Variants in DDX31 observed in about 807,000 individuals in gnomAD.
DDX31 encodes ATP-dependent DNA helicase DDX31.
A neutral mutation model predicts 91.3 loss-of-function variants in DDX31; 70 were observed. That is an observed-to-expected ratio of 0.77 (90% CI 0.63 to 0.94). The LOEUF (loss-of-function observed/expected upper bound fraction) is 0.94. Ranked by LOEUF, DDX31 falls within the 40% of genes least tolerant of loss-of-function variation. The pLI, the probability that DDX31 is intolerant of heterozygous loss-of-function variation, is 0.00. For synonymous variants in DDX31, 362 were observed against 350.6 expected, an observed-to-expected ratio of 1.03 and a Z score of -0.36; for missense variants, 902 against 925.0, an observed-to-expected ratio of 0.98 and a Z score of 0.32.
Position 132,612,196 on chromosome 9 carries a change from G to C in DDX31, c.1885C>G (p.His629Asp), listed in dbSNP as rs1390582852. 6.2e-7 allele frequency: 1 copy of C among 1,614,212 alleles called. No homozygotes were observed. The highest frequency in any genetic ancestry group is 8.5e-7 in the Non-Finnish European group (1 of 1,180,040). The stretch of plus-strand genomic sequence containing the variant: ...TGCCCAAGGTGGAGGGATCGGACGT[G>C]GAAGATGTGCTTCAGCTCCCTGGGG... Reference protein sequence around the residue: ...TYPRELKHIFHVRSLHLGHVA... With the variant: ...TYPRELKHIFDVRSLHLGHVA... Residue 629 changes from histidine (H) to aspartate (D), a missense_variant, in exon 19 of 20, where the codon CAC becomes GAC. Physicochemically the swap from His to Asp is moderately conservative, Grantham distance 81. Transcript: ENST00000372159.
At chr9:132,605,268 G>A (rs987734835) in intron 19 of DDX31, among the ~76,000 whole-genome samples, 6 of 152,284 alleles carry the variant, frequency 3.9e-5, no homozygotes, top group Non-Finnish European at 7.3e-5. Flanking sequence ...TGCGTGCCAG[G>A]TTCTGTGACA....
intron 19 of DDX31, among the ~76,000 whole-genome samples, chr9:132,601,745 C>T (rs897549465): frequency 2.0e-5 from 3 of 152,220 alleles, no homozygotes; most frequent in Non-Finnish European, 4.4e-5. Flanking sequence ...GCTGGGCCTT[C>T]GTACAGCCTG....
chr9:132,664,860 C>T (rs1012449999), intron 1 of DDX31, among the ~76,000 whole-genome samples: 3 of 151,978 alleles, frequency 2.0e-5, no homozygotes, highest in Non-Finnish European at 4.4e-5. Flanking sequence ...CCTTCCTCCT[C>T]CTTTGCACAT....
intron 14 of DDX31, 148 bp from the exon 15 acceptor site, chr9:132,632,239 T>TACACACACAC (rs1491406800): frequency 5.6e-5 from 3 of 53,406 alleles, no homozygotes; most frequent in Non-Finnish European, 6.3e-5. Flanking sequence ...GCCCAGTACG[T>TACACACACAC]GTACACACAC....
intron 17 of DDX31, among the ~76,000 whole-genome samples, chr9:132,624,085 C>A (rs1372274365): frequency 1.4e-5 from 2 of 144,418 alleles, no homozygotes; most frequent in Admixed American, 1.5e-4. Context: ...AAGAATCACT[C>A]GAACCTGGGA....
chr9:132,617,742 C>G (rs1332454185), intron 18 of DDX31, among the ~76,000 whole-genome samples: 1 of 152,150 alleles, frequency 6.6e-6, no homozygotes, highest in Non-Finnish European at 1.5e-5. Flanking sequence ...GCTTATTACT[C>G]AACGTGAACT....
intron 1 of DDX31, chr9:132,663,255 T>C: frequency 7.8e-7 from 1 of 1,289,114 alleles, no homozygotes; most frequent in Non-Finnish European, 1.0e-6. Context: ...TCTCTCATTC[T>C]CTCCTCTCAA....
chr9:132,668,151 T>C (rs1318260010), intron 1 of DDX31, among the ~76,000 whole-genome samples: 1 of 152,174 alleles, frequency 6.6e-6, no homozygotes, highest in Non-Finnish European at 1.5e-5. Flanking sequence ...CTGCCAAACA[T>C]CTAAATCCTA....
chr9:132,620,700 A>G (rs1470265972), intron 17 of DDX31, among the ~76,000 whole-genome samples: 1 of 152,176 alleles, frequency 6.6e-6, no homozygotes, highest in Non-Finnish European at 1.5e-5. Flanking sequence ...TGGGGAGGAC[A>G]GTCTAAATTT....
At chr9:132,621,718 A>G (rs1268861910) in intron 17 of DDX31, among the ~76,000 whole-genome samples, 1 of 152,254 alleles carries the variant, frequency 6.6e-6, no homozygotes, top group Non-Finnish European at 1.5e-5. Flanking sequence ...TTTCTTACGC[A>G]TAACAGATTT....
intron 1 of DDX31, among the ~76,000 whole-genome samples, chr9:132,666,725 G>A (rs1359433662): frequency 8.3e-6 from 1 of 119,836 alleles, no homozygotes; most frequent in African/African-American, 3.2e-5. Context: ...TTTTTTTTTT[G>A]AGACAGAGTC....
Position 132,640,863 on chromosome 9 carries a change from G to A in DDX31, c.1440+1141C>T, listed in dbSNP as rs139108321. ...GGAATTAATCTTCACTAGAGACCACGGATAAAGATGGCTTTAGAACAAGCT... is the reference window on the plus strand; with the variant it reads ...GGAATTAATCTTCACTAGAGACCACAGATAAAGATGGCTTTAGAACAAGCT... On this transcript the variant is annotated intron_variant, in intron 14 of 19. Transcript: ENST00000372159. 5.3e-5 allele frequency among the ~76,000 whole-genome samples: 8 copies of A among 152,218 alleles called. No individual in the cohort carries two copies. The East Asian group carries it at 1.2e-3, about 22-fold the overall frequency.
At chr9:132,668,097 C>G (rs552501254) in intron 1 of DDX31, among the ~76,000 whole-genome samples, 7 of 152,076 alleles carry the variant, frequency 4.6e-5, no homozygotes, top group Non-Finnish European at 7.4e-5. Flanking sequence ...TCCTTCTCCC[C>G]GCTCCACCCA....
At chr9:132,651,790 G>A (rs1834202232) in intron 7 of DDX31, among the ~76,000 whole-genome samples, 1 of 152,182 alleles carries the variant, frequency 6.6e-6, no homozygotes, top group South Asian at 2.1e-4. Flanking sequence ...GCATCCTCGA[G>A]AAGTAGCAAG....
intron 18 of DDX31, among the ~76,000 whole-genome samples, chr9:132,617,248 A>G (rs909721418): frequency 7.2e-5 from 11 of 151,976 alleles, no homozygotes; most frequent in African/African-American, 2.7e-4. Context: ...CTCAAGTATC[A>G]CCTACACAAT....
intron 1 of DDX31, among the ~76,000 whole-genome samples, chr9:132,668,630 T>TGC (rs1835479423): frequency 6.7e-6 from 1 of 149,076 alleles, no homozygotes; most frequent in Non-Finnish European, 1.5e-5. Flanking sequence ...TGCAATGGCA[T>TGC]GATCTCGGCT....
intron 19 of DDX31, among the ~76,000 whole-genome samples, chr9:132,607,030 C>T (rs1831067535): frequency 6.6e-6 from 1 of 152,172 alleles, no homozygotes; most frequent in Non-Finnish European, 1.5e-5. Context: ...ATCTATGAAC[C>T]TGTCCTATCT....
At chr9:132,618,181 C>T in intron 18 of DDX31, 149 bp downstream of exon 18, 1 of 533,808 alleles carries the variant, frequency 1.9e-6, no homozygotes, top group Non-Finnish European at 3.2e-6. Context: ...GCTTCCAAAC[C>T]CTGCAGAATT....
intron 19 of DDX31, among the ~76,000 whole-genome samples, chr9:132,599,925 G>C (rs1830640311): frequency 6.6e-6 from 1 of 152,232 alleles, no homozygotes. Flanking sequence ...AGGTGGCCCG[G>C]GACTGACTAT....
Sources: allele counts gnomAD v4.1 joint callset (sites outside exome capture counted in the v4.1 genomes callset), GRCh38; gene constraint gnomAD v4.1.1; transcripts MANE v1.5; gene names NCBI Gene and HGNC (gene_info 2026-07-23, HGNC 2026-07-21).